The following BTBD8 variants were observed in gnomAD, a reference collection of about 807,000 sequenced individuals.
The protein encoded by BTBD8 is BTB/POZ domain-containing protein 8.
BTBD8 carries 110 observed loss-of-function variants against 162.9 expected under a neutral mutation model. The ratio of observed to expected loss-of-function variants is 0.68; its 90% CI spans 0.58 to 0.79. BTBD8 has a LOEUF of 0.79. Ranked by LOEUF, BTBD8 falls within the 30% of genes least tolerant of loss-of-function variation. The pLI, the probability that BTBD8 is intolerant of heterozygous loss-of-function variation, is 0.00. For synonymous variants in BTBD8, 667 were observed against 716.1 expected (o/e 0.93, Z 1.10); for missense variants, 1,905 against 2,085.4 (o/e 0.91, Z 1.68).
Position 92,142,080 on chromosome 1 carries a change from G to A in BTBD8, c.930+869G>A, listed in dbSNP as rs372056879. ...CGAAAGCCATAAACAACTGGGTCTA[G>A]TACCACGAACACTACCAACCCCATA... is the stretch of plus-strand genomic sequence containing the variant. On this transcript the variant is annotated intron_variant, in intron 7 of 17. Transcript: ENST00000636805. 9.8e-5 allele frequency among the ~76,000 whole-genome samples: 15 copies of A among 152,332 alleles called. No individual in the cohort carries two copies. In the East Asian group the frequency reaches 2.7e-3, roughly 27 times the overall value.
intron 9 of BTBD8, 69 bp from the exon 10 acceptor site, chr1:92,166,889 G>T (rs1650399442): frequency 8.5e-6 from 12 of 1,412,894 alleles, no homozygotes; most frequent in Middle Eastern, 3.6e-4. Flanking sequence ...AAAAGTATTT[G>T]ATTTGCTTAG....
intron 5 of BTBD8, among the ~76,000 whole-genome samples, chr1:92,132,930 C>A (rs896845452): frequency 1.3e-5 from 2 of 151,996 alleles, no homozygotes; most frequent in African/African-American, 4.8e-5. Context: ...TCATCTATAC[C>A]CTTTATTATT....
At chr1:92,083,877 T>C (rs1294331936) in intron 1 of BTBD8, among the ~76,000 whole-genome samples, 1 of 152,098 alleles carries the variant, frequency 6.6e-6, no homozygotes, top group Non-Finnish European at 1.5e-5. Flanking sequence ...CCCCAAATCT[T>C]AGGACATTTG....
rs965728847 is a variant in BTBD8 at position 92,182,497 on chromosome 1, C to T, written c.4814C>T (p.Ser1605Phe). The change falls in exon 17 of 18, where the codon TCT (serine) becomes TTT (phenylalanine). Residue 1605 changes from serine (S) to phenylalanine (F), a missense_variant. Ser to Phe is a radical substitution (Grantham distance 155, BLOSUM62 -2). Coordinates refer to ENST00000636805, the MANE Select transcript of BTBD8 (RefSeq NM_001376131.1). ...SDIPKNSSTK[S>F]LDSFRSQVLP... is the part of the protein sequence containing the mutation. ...ATACCAAAGAACAGCTCTACAAAAT[C>T]TCTAGACTCCTTTCGGAGTCAAGTT... 6.4e-7 allele frequency: 1 copy of T among 1,550,444 alleles called. No homozygotes were observed. Among genetic ancestry groups the T allele is most frequent in the African/African-American group, 1.4e-5 (1 of 72,984 alleles).
chr1:92,140,980 A>T, intron 6 of BTBD8, 135 bp from the exon 7 acceptor site: 1 of 1,019,844 alleles, frequency 9.8e-7, no homozygotes, highest in Non-Finnish European at 1.3e-6. Flanking sequence ...TATGTTATGT[A>T]AGGCAGAAAA....
intron 2 of BTBD8, among the ~76,000 whole-genome samples, chr1:92,094,577 CT>C (rs1369376348): frequency 6.6e-6 from 1 of 152,078 alleles, no homozygotes; most frequent in Admixed American, 6.5e-5. Flanking sequence ...TTGGTGTGTA[CT>C]TTGTGCACTT....
intron 2 of BTBD8, among the ~76,000 whole-genome samples, chr1:92,101,917 T>C (rs1648600670): frequency 6.6e-6 from 1 of 152,156 alleles, no homozygotes; most frequent in Admixed American, 6.5e-5. Flanking sequence ...AGGTTGCTCT[T>C]GAACTCCTGA....
intron 13 of BTBD8, among the ~76,000 whole-genome samples, chr1:92,175,758 G>T (rs1398895517): frequency 6.6e-6 from 1 of 151,802 alleles, no homozygotes. Context: ...CTGGGCCACT[G>T]CACTCCAGCC....
chr1:92,162,034 A>G (rs1650284657), intron 9 of BTBD8, among the ~76,000 whole-genome samples: 1 of 152,112 alleles, frequency 6.6e-6, no homozygotes, highest in South Asian at 2.1e-4. Flanking sequence ...TGAACCGCTA[A>G]ATACATTTCT....
At position 92,106,045 on chromosome 1, in the gene BTBD8, A is replaced by T. The variant is rs116480515; in HGVS notation, c.545-1839A>T. Reference sequence around the variant, plus strand: ...AGTTCCTTAAGTAGGAACTCAAAGTATGGAGGCAGCTTACTTCAAATTTAA... The same window carrying T: ...AGTTCCTTAAGTAGGAACTCAAAGTTTGGAGGCAGCTTACTTCAAATTTAA... On this transcript the variant is annotated intron_variant, in intron 3 of 17. Coordinates refer to ENST00000636805, the MANE Select transcript of BTBD8 (RefSeq NM_001376131.1). Among the ~76,000 whole-genome samples the T allele has an allele frequency of 3.1e-3, 466 of 152,350 alleles. 3 individuals carry two copies. The highest frequency in any genetic ancestry group is 0.011 in the African/African-American group (451 of 41,590).
At chr1:92,119,902 T>C (rs1384889650) in intron 4 of BTBD8, among the ~76,000 whole-genome samples, 64 of 126,558 alleles carry the variant, frequency 5.1e-4, no homozygotes, top group African/African-American at 1.2e-3. Flanking sequence ...TCTTTTTTTT[T>C]TTTTTTTTTT....
rs1278814133 is a variant in BTBD8 at position 92,178,293 on chromosome 1, T to C, written c.2442-19T>C. 1 of 1,542,196 alleles carries C rather than the reference T, an allele frequency of 6.5e-7. No individual in the cohort carries two copies. Among genetic ancestry groups the C allele is most frequent in the Non-Finnish European group, 8.8e-7 (1 of 1,142,570 alleles). On this transcript the variant is annotated intron_variant, in intron 15 of 17. Transcript: ENST00000636805. Reference sequence around the variant, plus strand: ...TTTGGAATCTAAGTGTAATACTGAATGCAAATAATTTTTTTTAGTGTACTA... The same window carrying C: ...TTTGGAATCTAAGTGTAATACTGAACGCAAATAATTTTTTTTAGTGTACTA...
In BTBD8 at chr1:92,102,619, A is replaced by G; in HGVS notation, c.494A>G (p.His165Arg). Residue 165 changes from histidine to arginine, a missense_variant, in exon 3 of 18, where the codon CAT becomes CGT. By Grantham distance (29) the His-to-Arg change is conservative. Around this residue, in one of 3 missense-constraint regions of BTBD8, gnomAD observed 1,374 missense variants for 1,442.7 expected, o/e 0.95. Transcript: ENST00000636805. ...TCATCTGATTGTTCTCTTCAGAAGC[A>G]TGAAATTCCAGAGGATATCAGTGAC... The part of the protein sequence containing the change: ...ENSSDCSLQK[H>R]EIPEDISDRD... 4 of 1,555,290 alleles carry G rather than the reference A, an allele frequency of 2.6e-6. No homozygotes were observed. The highest frequency in any genetic ancestry group is 2.6e-6 in the Non-Finnish European group (3 of 1,153,272).
rs543406542 is a variant in BTBD8 at position 92,119,712 on chromosome 1, C to T, written c.663-9975C>T. Among the ~76,000 whole-genome samples the T allele has an allele frequency of 2.4e-3, 358 of 147,088 alleles. 5 individuals are homozygous for T. Among genetic ancestry groups the T allele is most frequent in the Middle Eastern group, 0.012 (3 of 254 alleles). ...CGCGATCTCGGCTCACTGCAAGCTC[C>T]GCCTTCCGGGTTCACGCCGTTCTCC... On this transcript the variant is annotated intron_variant, in intron 4 of 17. Transcript: ENST00000636805.
intron 2 of BTBD8, among the ~76,000 whole-genome samples, chr1:92,090,040 G>A (rs987988977): frequency 1.3e-5 from 2 of 151,822 alleles, no homozygotes; most frequent in East Asian, 3.9e-4. Flanking sequence ...TAATCCATTC[G>A]TTGCCATTTA....
At chr1:92,093,213 C>T (rs1464787960) in intron 2 of BTBD8, among the ~76,000 whole-genome samples, 7 of 106,196 alleles carry the variant, frequency 6.6e-5, no homozygotes, top group African/African-American at 1.1e-4. Flanking sequence ...TTTTTTGAGA[C>T]GGGAGTCTTG....
intron 5 of BTBD8, among the ~76,000 whole-genome samples, chr1:92,137,891 T>C (rs1649671591): frequency 6.6e-6 from 1 of 152,196 alleles, no homozygotes; most frequent in Non-Finnish European, 1.5e-5. Context: ...TTGAGAATCA[T>C]AGAATTACAA....
At chr1:92,175,290 C>T (rs1178102179) in intron 13 of BTBD8, among the ~76,000 whole-genome samples, 1 of 151,682 alleles carries the variant, frequency 6.6e-6, no homozygotes, top group Non-Finnish European at 1.5e-5. Flanking sequence ...ACCATCCTGG[C>T]CAACATGGTG....
intron 9 of BTBD8, among the ~76,000 whole-genome samples, chr1:92,149,057 G>T (rs1176316593): frequency 6.6e-6 from 1 of 152,110 alleles, no homozygotes; most frequent in Non-Finnish European, 1.5e-5. Flanking sequence ...CTTGCTGAGG[G>T]CAAAGGGAAT....
Sources: allele counts gnomAD v4.1 joint callset (sites outside exome capture counted in the v4.1 genomes callset), GRCh38; gene constraint gnomAD v4.1.1; regional missense constraint gnomAD v4.1.1; transcripts MANE v1.5; gene names NCBI Gene and HGNC (gene_info 2026-07-23, HGNC 2026-07-21).